Variants in PRKN observed in about 807,000 individuals in gnomAD.
The protein encoded by PRKN is parkin RBR E3 ubiquitin protein ligase, also known as E3 ubiquitin-protein ligase parkin.
A neutral mutation model predicts 59.5 loss-of-function variants in PRKN; 56 were observed. That is an observed-to-expected ratio of 0.94 (90% confidence interval 0.76 to 1.18). The LOEUF is 1.18. Ranked by LOEUF, PRKN falls within the 50% of genes most tolerant of loss-of-function variation. The pLI is 0.00. For missense variants in PRKN, 657 were observed against 596.4 expected (o/e 1.10, Z -1.06); for synonymous variants, 250 against 222.1 (o/e 1.13, Z -1.12).
At chr6:162,324,946 CA>C (rs1241504314) in intron 2 of PRKN, among the ~76,000 whole-genome samples, 4 of 140,234 alleles carry the variant, frequency 2.9e-5, no homozygotes, top group African/African-American at 1.0e-4. Flanking sequence ...CAAAACAAAA[CA>C]AAATTACTAC....
chr6:162,679,810 G>A (rs1421610879), intron 1 of PRKN, among the ~76,000 whole-genome samples: 1 of 152,102 alleles, frequency 6.6e-6, no homozygotes, highest in African/African-American at 2.4e-5. Context: ...CTCCCTGGGT[G>A]CCCTCTCTAT....
At chr6:162,603,304 C>CT (rs575293888) in intron 1 of PRKN, among the ~76,000 whole-genome samples, 154 of 152,256 alleles carry the variant, frequency 1.0e-3, no homozygotes, top group African/African-American at 3.6e-3. Flanking sequence ...GTCCTCAGGC[C>CT]TTAACTACCA....
intron 1 of PRKN, among the ~76,000 whole-genome samples, chr6:162,492,956 CAAAAAAA>C (rs34716532): frequency 5.4e-5 from 6 of 110,324 alleles, no homozygotes; most frequent in Non-Finnish European, 9.1e-5. Context: ...TTGTCTCAAA[CAAAAAAA>C]AAAAAAAAAA....
chr6:162,252,683 G>A (rs1048477394), intron 3 of PRKN, among the ~76,000 whole-genome samples: 3 of 152,284 alleles, frequency 2.0e-5, no homozygotes, highest in East Asian at 1.9e-4. Context: ...AGCAGCCTTC[G>A]GCTGACATCA....
At chr6:161,814,459 G>A (rs938372777) in intron 6 of PRKN, among the ~76,000 whole-genome samples, 2 of 152,194 alleles carry the variant, frequency 1.3e-5, no homozygotes, top group Non-Finnish European at 2.9e-5. Context: ...GCAAAAGCAT[G>A]TCTTACATGG....
Position 162,011,348 on chromosome 6 carries a change from A to T in PRKN, c.619-37931T>A, listed in dbSNP as rs1189857052. Among the ~76,000 whole-genome samples the T allele has an allele frequency of 5.7e-5, 2 of 35,300 alleles. 1 individual carries two copies. Among genetic ancestry groups the T allele is most frequent in the Non-Finnish European group, 8.9e-5 (2 of 22,438 alleles). The allele number at this position is 35,300 out of a possible 152,430, so 23.2% of individuals were successfully genotyped here. A position where few individuals can be genotyped will look rare whatever the true frequency, so the allele number is the denominator to read the frequency against. ...ATATATATAATATATTATATATTAT[A>T]ATATATATTTATAATATATATAATA... is the stretch of plus-strand genomic sequence containing the variant. On this transcript the variant is annotated intron_variant, in intron 5 of 11. Coordinates refer to ENST00000366898, the MANE Select transcript of PRKN (RefSeq NM_004562.3).
rs1786974518 is a variant in PRKN at position 161,400,379 on chromosome 6, C to T, written c.1084-13502G>A. ...CTGGAGTGCAATGGCACGATCTCCG[C>T]TCACTGCAACCTGTACCTCCCAGGT... is the stretch of plus-strand genomic sequence containing the variant. On this transcript the variant is annotated intron_variant, in intron 9 of 11. Coordinates refer to ENST00000366898, the MANE Select transcript of PRKN (RefSeq NM_004562.3). The surrounding 1 kb of genome is among the most constrained non-coding windows in gnomAD (Gnocchi z 4.2). 6.6e-6 allele frequency among the ~76,000 whole-genome samples: 1 copy of T among 151,836 alleles called. No individual in the cohort carries two copies. Among genetic ancestry groups the T allele is most frequent in the African/African-American group, 2.4e-5 (1 of 41,294 alleles).
At chr6:161,915,277 T>C (rs1433921649) in intron 6 of PRKN, among the ~76,000 whole-genome samples, 2 of 152,108 alleles carry the variant, frequency 1.3e-5, no homozygotes, top group Non-Finnish European at 2.9e-5. Flanking sequence ...AGAGTGAGAC[T>C]CTGTTTAAAA....
chr6:162,118,194 G>C (rs1276927078), intron 4 of PRKN, among the ~76,000 whole-genome samples: 1 of 152,092 alleles, frequency 6.6e-6, no homozygotes, highest in East Asian at 1.9e-4. Flanking sequence ...GGTGGATCAT[G>C]AGGTCAGGAG....
At chr6:162,292,528 ATGT>A (rs532211940) in intron 2 of PRKN, among the ~76,000 whole-genome samples, 1 of 152,254 alleles carries the variant, frequency 6.6e-6, no homozygotes, top group East Asian at 1.9e-4. Context: ...AATTGCACAG[ATGT>A]TGGTGAATCT....
chr6:162,467,832 C>T lies in PRKN; in HGVS notation c.8-24359G>A, dbSNP rs367875654. Among the ~76,000 whole-genome samples, 22 of 152,238 alleles carry T rather than the reference C, an allele frequency of 1.4e-4. No individual in the cohort carries two copies. The South Asian group carries it at 2.7e-3, about 19-fold the overall frequency. On this transcript the variant is annotated intron_variant, in intron 1 of 11. Coordinates refer to ENST00000366898, the MANE Select transcript of PRKN (RefSeq NM_004562.3). ...GTCACGCTCCCGCTACGCCGCCCAC[C>T]GAGCTCCCGCTATGCTGTGTCTGGA...
At chr6:162,053,324 G>A (rs1777725438) in intron 5 of PRKN, among the ~76,000 whole-genome samples, 1 of 152,166 alleles carries the variant, frequency 6.6e-6, no homozygotes, top group South Asian at 2.1e-4. Context: ...TGACAGTTTG[G>A]GAACTAAGGC....
chr6:162,359,079 A>AAATATAT (rs57265104), intron 2 of PRKN, among the ~76,000 whole-genome samples: 126 of 83,238 alleles, frequency 1.5e-3, no homozygotes, highest in Non-Finnish European at 2.2e-3. Flanking sequence ...AAAAAAAAAA[A>AAATATAT]ATATATATAT....
At chr6:161,619,474 A>G (rs1782814558) in intron 7 of PRKN, among the ~76,000 whole-genome samples, 1 of 152,172 alleles carries the variant, frequency 6.6e-6, no homozygotes. Flanking sequence ...ATTGGTAATA[A>G]TGATATCTAT....
At chr6:161,989,508 C>A in intron 5 of PRKN, among the ~76,000 whole-genome samples, 1 of 152,142 alleles carries the variant, frequency 6.6e-6, no homozygotes, top group Non-Finnish European at 1.5e-5. Context: ...CCTGTGCATA[C>A]CATCTGGGGC....
rs780132014 is a variant in PRKN at position 161,526,028 on chromosome 6, T to A, written c.1083+22826A>T. Among the ~76,000 whole-genome samples the A allele has an allele frequency of 6.6e-6, 1 of 152,216 alleles. No homozygotes were observed. Among genetic ancestry groups the A allele is most frequent in the Non-Finnish European group, 1.5e-5 (1 of 68,040 alleles). On this transcript the variant is annotated intron_variant, in intron 9 of 11. Coordinates refer to ENST00000366898, the MANE Select transcript of PRKN (RefSeq NM_004562.3). This position sits in a 1 kb window ranked among gnomAD's most constrained non-coding sequence, Gnocchi z 4.1. ...CCCAAATCTGTGTATATAAGCAATT[T>A]AGTATTGTGTATCTTCTAAAGACCA...
intron 6 of PRKN, among the ~76,000 whole-genome samples, chr6:161,856,422 T>C (rs1013636519): frequency 2.0e-5 from 3 of 151,672 alleles, no homozygotes; most frequent in Admixed American, 2.0e-4. Flanking sequence ...ACAGAGCTTC[T>C]GTAGGATGAA....
intron 6 of PRKN, among the ~76,000 whole-genome samples, chr6:161,881,488 C>T (rs895259369): frequency 6.6e-6 from 1 of 152,202 alleles, no homozygotes; most frequent in Non-Finnish European, 1.5e-5. Flanking sequence ...TCCTCACACA[C>T]GACCAGATTC....
At chr6:161,415,273 T>G (rs1362522088) in intron 9 of PRKN, among the ~76,000 whole-genome samples, 3 of 152,150 alleles carry the variant, frequency 2.0e-5, no homozygotes, top group African/African-American at 7.2e-5. Flanking sequence ...TAAACTCATT[T>G]TATATACGTG....
Sources: gnomAD v4.1 joint callset for allele counts (sites outside exome capture counted in the v4.1 genomes callset) on GRCh38, gnomAD v4.1.1 for gene constraint, Gnocchi (gnomAD v3.1) non-coding constraint, MANE v1.5 for transcripts, NCBI Gene and HGNC (gene_info 2026-07-23, HGNC 2026-07-21) for gene names.